The following DMD variants were observed in gnomAD, a reference collection of about 807,000 sequenced individuals.
DMD encodes mutant dystrophin.
In DMD, 63 loss-of-function variants were observed where a neutral mutation model predicts 330.1. That is an observed-to-expected ratio of 0.19 (90% CI 0.16 to 0.24). The LOEUF (loss-of-function observed/expected upper bound fraction) is 0.24, where lower values mean the gene tolerates loss of function less well. Ranked by LOEUF, DMD falls within the 10% of genes least tolerant of loss-of-function variation. DMD has a pLI of 1.00. For missense variants in DMD, 3,344 were observed against 2,684.1 expected (o/e 1.25, Z -5.43); for synonymous variants, 1,223 against 959.8 (o/e 1.27, Z -5.07).
intron 44 of DMD, among the ~76,000 whole-genome samples, chrX:32,076,896 A>G (rs1419558658): frequency 2.7e-5 from 3 of 111,351 alleles, no homozygotes; most frequent in African/African-American, 9.8e-5. Context: ...ATATCTACCA[A>G]GAAATAGAGT....
chrX:33,135,873 TAGCTATCATTATATAGTTCTCAATAGGA>T (rs2095523724), intron 1 of DMD, among the ~76,000 whole-genome samples: 1 of 112,634 alleles, frequency 8.9e-6, no homozygotes, highest in Admixed American at 9.4e-5. Context: ...TAGTAAATAT[TAGCTATCATTATATAGTTCTCAATAGGA>T]ATGTCTGTGC....
intron 1 of DMD, among the ~76,000 whole-genome samples, chrX:33,275,962 C>T (rs111776136): frequency 0.012 from 1,305 of 111,704 alleles, 22 homozygotes; most frequent in African/African-American, 0.04. Flanking sequence ...TGTGGTGTGA[C>T]TATACAATTG....
At chrX:31,513,718 T>C (rs1037610681) in intron 55 of DMD, among the ~76,000 whole-genome samples, 1 of 111,329 alleles carries the variant, frequency 9.0e-6, no homozygotes, top group African/African-American at 3.3e-5. Context: ...ACAAAAACCA[T>C]AGCAGCAGCA....
chrX:31,282,932 A>G (rs1413547781), intron 62 of DMD, among the ~76,000 whole-genome samples: 1 of 112,087 alleles, frequency 8.9e-6, no homozygotes, highest in East Asian at 2.8e-4. Context: ...AGGCAGATAC[A>G]CATAATATCT....
At chrX:32,448,989 T>C (rs1349867386) in intron 26 of DMD, among the ~76,000 whole-genome samples, 1 of 111,059 alleles carries the variant, frequency 9.0e-6, no homozygotes, top group Non-Finnish European at 1.9e-5. Flanking sequence ...TAAAAAATAT[T>C]TGGCAGTCTA....
chrX:31,822,653 G>A (rs866755959), intron 49 of DMD, among the ~76,000 whole-genome samples: 5 of 65,809 alleles, frequency 7.6e-5, no homozygotes, highest in Non-Finnish European at 1.3e-4. Flanking sequence ...AAGGCAGAGG[G>A]GTGTGTGTGT....
intron 59 of DMD, among the ~76,000 whole-genome samples, chrX:31,465,978 G>A (rs2066829896): frequency 8.9e-6 from 1 of 112,240 alleles, no homozygotes; most frequent in Non-Finnish European, 1.9e-5. Flanking sequence ...CCGCATAAAT[G>A]TCTTACTTTG....
At chrX:32,355,606 C>T (rs953589947) in intron 37 of DMD, among the ~76,000 whole-genome samples, 18 of 111,443 alleles carry the variant, frequency 1.6e-4, no homozygotes, top group Non-Finnish European at 3.4e-4. Context: ...GATTTATTAG[C>T]GAAGTTTCAA....
intron 2 of DMD, among the ~76,000 whole-genome samples, chrX:32,858,648 G>A (rs2081807161): frequency 9.0e-6 from 1 of 111,107 alleles, no homozygotes. Flanking sequence ...GTAATTTTAA[G>A]TACTTTTGAG....
chrX:31,736,173 C>G (rs906339059), intron 51 of DMD, among the ~76,000 whole-genome samples: 1 of 111,453 alleles, frequency 9.0e-6, no homozygotes, highest in African/African-American at 3.3e-5. Flanking sequence ...AATTAAATGA[C>G]GTCAATCAAA....
intron 55 of DMD, among the ~76,000 whole-genome samples, chrX:31,511,763 T>C (rs1174096186): frequency 9.4e-6 from 1 of 106,922 alleles, no homozygotes; most frequent in Non-Finnish European, 1.9e-5. Flanking sequence ...TTCCAAGTCT[T>C]TGCTATTGTG....
At chrX:32,035,329 C>A (rs1473884065) in intron 44 of DMD, among the ~76,000 whole-genome samples, 1 of 111,562 alleles carries the variant, frequency 9.0e-6, no homozygotes, top group African/African-American at 3.3e-5. Context: ...AAAAATCACT[C>A]AATTTAGACT....
intron 13 of DMD, among the ~76,000 whole-genome samples, chrX:32,584,990 C>T (rs1467899692): frequency 9.0e-6 from 1 of 111,053 alleles, no homozygotes; most frequent in East Asian, 2.8e-4. Flanking sequence ...GTTATATATA[C>T]ATAATGCAAT....
At chrX:31,839,519 T>C (rs2093272719) in intron 48 of DMD, among the ~76,000 whole-genome samples, 2 of 112,290 alleles carry the variant, frequency 1.8e-5, no homozygotes, top group Non-Finnish European at 3.8e-5. Context: ...ATACAGAGTC[T>C]ACTCTTCTGC....
chrX:31,485,589 G>A (rs2068735876), intron 57 of DMD, among the ~76,000 whole-genome samples: 1 of 111,462 alleles, frequency 9.0e-6, no homozygotes. Flanking sequence ...AACCACGTAT[G>A]GAGGGGATGA....
chrX:33,110,774 T>G lies in DMD; in HGVS notation c.32-90574A>C, dbSNP rs755945095. Among the ~76,000 whole-genome samples, 453 of 111,301 alleles carry G rather than the reference T, an allele frequency of 4.1e-3. 2 individuals carry two copies. Among genetic ancestry groups the G allele is most frequent in the African/African-American group, 0.014 (424 of 30,683 alleles). Reference sequence around the variant, plus strand: ...CAGAGTTTTTATTTGTTCATCTTTGTGTCTTTAGTACAGAACAGAACCATG... The same window carrying G: ...CAGAGTTTTTATTTGTTCATCTTTGGGTCTTTAGTACAGAACAGAACCATG... On this transcript the variant is annotated intron_variant, in intron 1 of 78. Coordinates refer to ENST00000357033, the MANE Select transcript of DMD (RefSeq NM_004006.3).
At chrX:31,132,416 T>G (rs2034633751) in intron 77 of DMD, among the ~76,000 whole-genome samples, 1 of 111,529 alleles carries the variant, frequency 9.0e-6, no homozygotes, top group Non-Finnish European at 1.9e-5. Context: ...AAAAGGAGTC[T>G]AGGAAGTCAA....
At chrX:32,691,524 A>C (rs932522362) in intron 9 of DMD, among the ~76,000 whole-genome samples, 1 of 111,449 alleles carries the variant, frequency 9.0e-6, no homozygotes, top group African/African-American at 3.3e-5. Context: ...ATTAGTAAGG[A>C]TGTGGAATAA....
intron 2 of DMD, among the ~76,000 whole-genome samples, chrX:32,965,632 T>C (rs2147084298): frequency 9.0e-6 from 1 of 110,985 alleles, no homozygotes; most frequent in Admixed American, 9.6e-5. Flanking sequence ...GGAAACCAGA[T>C]GGTAATGATA....
Sources: allele counts gnomAD v4.1 joint callset (sites outside exome capture counted in the v4.1 genomes callset), GRCh38; gene constraint gnomAD v4.1.1; transcripts MANE v1.5; gene names NCBI Gene and HGNC (gene_info 2026-07-23, HGNC 2026-07-21).